The following CHN1 variants were observed in gnomAD, a reference collection of about 807,000 sequenced individuals.
CHN1 encodes N-chimaerin.
CHN1 carries 37 observed loss-of-function variants against 59.5 expected under a neutral mutation model. The ratio of observed to expected loss-of-function variants is 0.62; its 90% confidence interval spans 0.48 to 0.82. The LOEUF (loss-of-function observed/expected upper bound fraction) is 0.82. Among genes scored for constraint, CHN1 ranks in the 40% least tolerant of loss-of-function variants. CHN1 has a pLI of 0.00. For missense variants in CHN1, 469 were observed against 571.0 expected (o/e 0.82, Z 1.82); for synonymous variants, 206 against 200.4 (o/e 1.03, Z -0.24).
chr2:174,842,242 AGGTGGTGGTGTGAGG>A (rs1410702646), intron 7 of CHN1, among the ~76,000 whole-genome samples: 3 of 152,170 alleles, frequency 2.0e-5, no homozygotes, highest in Non-Finnish European at 4.4e-5. Flanking sequence ...GAGGGAGGCA[AGGTGGTGGTGTGAGG>A]GTTGGTGGGG....
At position 174,851,617 on chromosome 2, in the gene CHN1, G is replaced by C. The variant is rs554486232; in HGVS notation, c.550-4660C>G. On this transcript the variant is annotated intron_variant, in intron 6 of 12. Transcript: ENST00000409900. ...TCTTGACACAGATATCAATTCTGTA[G>C]GTTCATCTGAATGAGGCCTGGAAAA... Among the ~76,000 whole-genome samples, 14 of 152,268 alleles carry C rather than the reference G, an allele frequency of 9.2e-5. 1 individual carries two copies. The East Asian group carries it at 1.2e-3, about 13-fold the overall frequency.
At chr2:174,840,200 G>T in intron 7 of CHN1, among the ~76,000 whole-genome samples, 1 of 112,162 alleles carries the variant, frequency 8.9e-6, no homozygotes, top group African/African-American at 3.5e-5. Flanking sequence ...ATGGGGTCCT[G>T]CTCTGTCTCC....
intron 7 of CHN1, among the ~76,000 whole-genome samples, chr2:174,840,696 A>G (rs951702554): frequency 6.6e-6 from 1 of 152,124 alleles, no homozygotes; most frequent in East Asian, 1.9e-4. Flanking sequence ...TAGGTTAGAG[A>G]ATACTGTGGG....
At chr2:174,872,789 G>C (rs1687450509) in intron 6 of CHN1, among the ~76,000 whole-genome samples, 1 of 152,148 alleles carries the variant, frequency 6.6e-6, no homozygotes, top group Non-Finnish European at 1.5e-5. Flanking sequence ...AAGCTAGGGG[G>C]ACAGTACTAA....
chr2:174,847,090 C>CCTA, intron 6 of CHN1, 133 bp from the exon 7 acceptor site: 1 of 1,551,584 alleles, frequency 6.4e-7, no homozygotes, highest in Non-Finnish European at 8.7e-7. Flanking sequence ...GAACTGCAGC[C>CCTA]CTATTAGTTT....
At chr2:174,980,900 T>C (rs755684304) in intron 1 of CHN1, among the ~76,000 whole-genome samples, 2 of 152,186 alleles carry the variant, frequency 1.3e-5, no homozygotes, top group Non-Finnish European at 2.9e-5. Flanking sequence ...ACAGAAAATA[T>C]GACTTAGCTA....
chr2:174,819,676 T>G (rs1360063492), intron 8 of CHN1, among the ~76,000 whole-genome samples: 1 of 152,100 alleles, frequency 6.6e-6, no homozygotes, highest in Admixed American at 6.5e-5. Context: ...TTATTATTAT[T>G]ATTATACTTT....
intron 11 of CHN1, among the ~76,000 whole-genome samples, chr2:174,803,899 G>A (rs1226370676): frequency 6.6e-6 from 1 of 151,936 alleles, no homozygotes; most frequent in African/African-American, 2.4e-5. Flanking sequence ...ACACAAATCT[G>A]GAAATTAAAA....
intron 6 of CHN1, among the ~76,000 whole-genome samples, chr2:174,862,336 CTT>C (rs1271683275): frequency 3.5e-5 from 5 of 141,162 alleles, no homozygotes; most frequent in South Asian, 2.2e-4. Context: ...ACCAACGATA[CTT>C]TTTTTTTTTT....
intron 5 of CHN1, among the ~76,000 whole-genome samples, chr2:174,893,694 C>T (rs1688122911): frequency 6.6e-6 from 1 of 152,094 alleles, no homozygotes; most frequent in African/African-American, 2.4e-5. Flanking sequence ...GAAAGACAAA[C>T]AAGGCTGGAT....
rs533445252 is a variant in CHN1, at chr2:174,905,566, T to A, written c.260+9492A>T. The stretch of plus-strand genomic sequence containing the variant: ...AAACCATGCTGAGGATAAAAAAAAA[T>A]TTTTTTTTTTTTCTCTGAGACGGAG... On this transcript the variant is annotated intron_variant, in intron 5 of 12. Coordinates refer to ENST00000409900, the MANE Select transcript of CHN1 (RefSeq NM_001822.7). Among the ~76,000 whole-genome samples the A allele has an allele frequency of 3.3e-3, 487 of 145,966 alleles. 10 individuals carry two copies. The highest frequency in any genetic ancestry group is 1.2e-3 in the Non-Finnish European group (79 of 66,404).
At chr2:174,874,512 G>T (rs1687501376) in intron 6 of CHN1, among the ~76,000 whole-genome samples, 1 of 152,150 alleles carries the variant, frequency 6.6e-6, no homozygotes, top group Non-Finnish European at 1.5e-5. Flanking sequence ...GGACAAGTAA[G>T]AATCTTCAGG....
chr2:174,936,765 T>G (rs2105394694), intron 3 of CHN1, among the ~76,000 whole-genome samples: 1 of 152,256 alleles, frequency 6.6e-6, no homozygotes, highest in South Asian at 2.1e-4. Context: ...ACTTTCACTT[T>G]ACTTGCTAAC....
chr2:174,827,607 G>A (rs983016359), intron 7 of CHN1, among the ~76,000 whole-genome samples: 2 of 152,206 alleles, frequency 1.3e-5, no homozygotes, highest in African/African-American at 4.8e-5. Context: ...TTGTTAAGGG[G>A]AGTGACACGG....
At chr2:174,891,802 T>C (rs1042722704) in intron 5 of CHN1, among the ~76,000 whole-genome samples, 1 of 150,864 alleles carries the variant, frequency 6.6e-6, no homozygotes, top group African/African-American at 2.4e-5. Flanking sequence ...AAATAGACAC[T>C]AGAAAAACAA....
chr2:174,964,774 G>T (rs577443495), intron 1 of CHN1, among the ~76,000 whole-genome samples: 1 of 152,148 alleles, frequency 6.6e-6, no homozygotes, highest in African/African-American at 2.4e-5. Flanking sequence ...TTTCATTCTT[G>T]GTTAACTGCT....
At chr2:174,999,413 A>T (rs548152994) in intron 1 of CHN1, among the ~76,000 whole-genome samples, 47 of 152,300 alleles carry the variant, frequency 3.1e-4, no homozygotes, top group East Asian at 1.2e-3. Flanking sequence ...TATCAGAGGG[A>T]CTTGGAGAAA....
intron 7 of CHN1, among the ~76,000 whole-genome samples, chr2:174,832,520 C>A (rs1355462420): frequency 2.0e-5 from 3 of 151,988 alleles, no homozygotes; most frequent in Non-Finnish European, 4.4e-5. Flanking sequence ...TCTTTTCAAT[C>A]AGTTCAAAAT....
At chr2:174,934,214 G>A (rs1437768304) in intron 3 of CHN1, among the ~76,000 whole-genome samples, 1 of 152,184 alleles carries the variant, frequency 6.6e-6, no homozygotes, top group Non-Finnish European at 1.5e-5. Context: ...GAATCAGTGG[G>A]AGCCCTGAGC....
Sources: allele counts gnomAD v4.1 joint callset (sites outside exome capture counted in the v4.1 genomes callset), GRCh38; gene constraint gnomAD v4.1.1; transcripts MANE v1.5; gene names NCBI Gene and HGNC (gene_info 2026-07-23, HGNC 2026-07-21).